Variants in TMEM117 observed in about 807,000 individuals in gnomAD.
The protein encoded by TMEM117 is transmembrane protein 117.
TMEM117 carries 27 observed loss-of-function variants against 52.4 expected under a neutral mutation model. That is an observed-to-expected ratio of 0.51 (90% CI 0.38 to 0.71). The LOEUF (loss-of-function observed/expected upper bound fraction) is 0.71, where lower values mean the gene tolerates loss of function less well. TMEM117 is among the 30% of genes least tolerant of loss of function. The pLI, the probability that TMEM117 is intolerant of heterozygous loss-of-function variation, is 0.00. For missense variants in TMEM117, 556 were observed against 630.5 expected, an observed-to-expected ratio of 0.88 and a Z score of 1.26; for synonymous variants, 215 against 206.3, an observed-to-expected ratio of 1.04 and a Z score of -0.36.
At chr12:43,920,026 A>G (rs1431672642) in intron 2 of TMEM117, among the ~76,000 whole-genome samples, 1 of 151,838 alleles carries the variant, frequency 6.6e-6, no homozygotes, top group Non-Finnish European at 1.5e-5. Flanking sequence ...ATCCAGATTC[A>G]ATCTTCTCCC....
intron 3 of TMEM117, among the ~76,000 whole-genome samples, chr12:44,050,283 C>G (rs927410048): frequency 2.0e-5 from 3 of 152,142 alleles, no homozygotes; most frequent in Non-Finnish European, 2.9e-5. Context: ...CTTAAGTGAT[C>G]CTCCTGCCCC....
chr12:44,280,430 T>C (rs1950563771), intron 5 of TMEM117, among the ~76,000 whole-genome samples: 1 of 152,232 alleles, frequency 6.6e-6, no homozygotes, highest in African/African-American at 2.4e-5. Context: ...CTTTCAAATT[T>C]GTCTTCCTGC....
the TMEM117 span, among the ~76,000 whole-genome samples, chr12:43,800,106 C>T: frequency 1.3e-5 from 2 of 151,968 alleles, no homozygotes; most frequent in African/African-American, 4.8e-5. Flanking sequence ...CTTTCTGAAT[C>T]AGAAAAGCTC....
At chr12:43,998,091 G>A (rs192312006) in intron 3 of TMEM117, among the ~76,000 whole-genome samples, 2 of 152,096 alleles carry the variant, frequency 1.3e-5, no homozygotes, top group African/African-American at 2.4e-5. Flanking sequence ...TGTTTAAAGC[G>A]CTATGGAATC....
the TMEM117 span, among the ~76,000 whole-genome samples, chr12:43,809,841 C>T: frequency 1.3e-5 from 2 of 152,142 alleles, no homozygotes; most frequent in Non-Finnish European, 2.9e-5. Flanking sequence ...TTATAACCCT[C>T]AACAATTCAC....
chr12:44,318,627 G>A lies in TMEM117; in HGVS notation c.768+18888G>A, dbSNP rs73276257. 1.0e-2 allele frequency among the ~76,000 whole-genome samples: 1,517 copies of A among 152,272 alleles called. 32 individuals are homozygous for A. Among genetic ancestry groups the A allele is most frequent in the African/African-American group, 0.034 (1,425 of 41,546 alleles). ...GGTGGCTCAGGCTGGTAATCCAGAA[G>A]AGCAGGTGTTCTCAATGGCCAGAAA... On this transcript the variant is annotated intron_variant, in intron 6 of 7. Transcript: ENST00000266534.
At chr12:44,035,446 G>T (rs375848282) in intron 3 of TMEM117, among the ~76,000 whole-genome samples, 1 of 152,138 alleles carries the variant, frequency 6.6e-6, no homozygotes, top group Admixed American at 6.5e-5. Flanking sequence ...CTCAAAAAAC[G>T]TATGTTCTAG....
chr12:44,083,076 G>A (rs951112785), intron 3 of TMEM117, among the ~76,000 whole-genome samples: 1 of 151,618 alleles, frequency 6.6e-6, no homozygotes, highest in Non-Finnish European at 1.5e-5. Flanking sequence ...TTTTTCTATC[G>A]GTGGATATTT....
chr12:43,803,316 A>G, the TMEM117 span, among the ~76,000 whole-genome samples: 4 of 152,172 alleles, frequency 2.6e-5, no homozygotes, highest in South Asian at 8.3e-4. Context: ...CAAGTATCAG[A>G]ACTCCCAATT....
At chr12:44,064,675 G>A (rs1947194350) in intron 3 of TMEM117, among the ~76,000 whole-genome samples, 1 of 152,068 alleles carries the variant, frequency 6.6e-6, no homozygotes, top group Admixed American at 6.6e-5. Flanking sequence ...AATGTGATAT[G>A]ATAAATTTTT....
intron 6 of TMEM117, among the ~76,000 whole-genome samples, chr12:44,333,080 A>G: frequency 6.6e-6 from 1 of 152,172 alleles, no homozygotes; most frequent in Admixed American, 6.6e-5. Flanking sequence ...TTAATATTTC[A>G]AAACTGATGG....
the TMEM117 span, among the ~76,000 whole-genome samples, chr12:43,816,775 T>C: frequency 6.6e-6 from 1 of 152,206 alleles, no homozygotes; most frequent in African/African-American, 2.4e-5. Context: ...AAATGAAACA[T>C]CAATATTGTT....
intron 2 of TMEM117, among the ~76,000 whole-genome samples, chr12:43,882,979 A>C (rs1943924717): frequency 6.6e-6 from 1 of 152,250 alleles, no homozygotes; most frequent in Admixed American, 6.5e-5. Flanking sequence ...TTGAGACAAT[A>C]TAATAAGAGC....
At chr12:43,969,935 C>T (rs1407651501) in intron 3 of TMEM117, among the ~76,000 whole-genome samples, 3 of 152,194 alleles carry the variant, frequency 2.0e-5, no homozygotes, top group Admixed American at 6.5e-5. Flanking sequence ...TCCTTATCCC[C>T]AGTTTTTCTT....
At chr12:44,243,562 A>G (rs1950090928) in intron 5 of TMEM117, among the ~76,000 whole-genome samples, 1 of 151,986 alleles carries the variant, frequency 6.6e-6, no homozygotes, top group Admixed American at 6.6e-5. Context: ...ACACACACGT[A>G]TATCATAGAA....
chr12:43,806,056 G>A, the TMEM117 span: 3 of 1,518,512 alleles, frequency 2.0e-6, no homozygotes, highest in South Asian at 2.4e-5. Flanking sequence ...GGCCGGCAGC[G>A]CCCGGGAAGC....
intron 3 of TMEM117, among the ~76,000 whole-genome samples, chr12:44,019,232 T>C (rs1946418960): frequency 6.6e-6 from 1 of 151,928 alleles, no homozygotes; most frequent in Non-Finnish European, 1.5e-5. Flanking sequence ...TCCCAGGATA[T>C]GATGCACACA....
intron 5 of TMEM117, among the ~76,000 whole-genome samples, chr12:44,229,253 G>A (rs1436137051): frequency 2.6e-5 from 4 of 152,100 alleles, no homozygotes; most frequent in Non-Finnish European, 5.9e-5. Context: ...CAAATTAGTT[G>A]ATTATCAGAG....
intron 3 of TMEM117, among the ~76,000 whole-genome samples, chr12:43,970,091 T>TC (rs1311422863): frequency 6.6e-6 from 1 of 152,088 alleles, no homozygotes; most frequent in Non-Finnish European, 1.5e-5. Flanking sequence ...ATGTGAATCA[T>TC]CCCTTTGTTC....
Sources: gnomAD v4.1 joint callset for allele counts (sites outside exome capture counted in the v4.1 genomes callset) on GRCh38, gnomAD v4.1.1 for gene constraint, MANE v1.5 for transcripts, NCBI Gene and HGNC (gene_info 2026-07-23, HGNC 2026-07-21) for gene names.